Variants in KLRG1 observed in about 807,000 individuals in gnomAD.
KLRG1 encodes the protein killer cell lectin like receptor G1.
Under a neutral mutation model 21.8 loss-of-function variants are expected in KLRG1, and 16 were observed. The ratio of observed to expected loss-of-function variants is 0.73; its 90% confidence interval spans 0.50 to 1.11. KLRG1 has a LOEUF of 1.11. KLRG1 is among the 50% of genes most tolerant of loss of function. The pLI, the probability that KLRG1 is intolerant of heterozygous loss-of-function variation, is 0.00. For synonymous variants in KLRG1, 69 were observed against 75.9 expected, an observed-to-expected ratio of 0.91 and a Z score of 0.47; for missense variants, 173 against 218.3, an observed-to-expected ratio of 0.79 and a Z score of 1.31.
the KLRG1 span, among the ~76,000 whole-genome samples, chr12:9,075,929 AT>A: frequency 6.6e-6 from 1 of 152,214 alleles, no homozygotes; most frequent in African/African-American, 2.4e-5. Context: ...ATTATAAAAT[AT>A]TTCTCAATAC....
At chr12:8,958,700 C>A (rs1226332464) in intron 1 of KLRG1, among the ~76,000 whole-genome samples, 1 of 151,918 alleles carries the variant, frequency 6.6e-6, no homozygotes, top group African/African-American at 2.4e-5. Flanking sequence ...TACAAAAAAA[C>A]CTAAGAATTA....
chr12:9,027,523 C>G, the KLRG1 span: 1 of 1,129,130 alleles, frequency 8.9e-7, no homozygotes, highest in Admixed American at 1.7e-5. Flanking sequence ...GCTTTGTTTC[C>G]TAATTAAAAT....
intron 1 of KLRG1, among the ~76,000 whole-genome samples, chr12:8,972,307 G>A (rs773645702): frequency 5.9e-5 from 9 of 152,190 alleles, no homozygotes; most frequent in East Asian, 1.9e-4. Flanking sequence ...ACAGGCACCC[G>A]CCACCACTCC....
At chr12:8,956,043 C>T (rs780124530) in intron 1 of KLRG1, among the ~76,000 whole-genome samples, 2 of 152,352 alleles carry the variant, frequency 1.3e-5, no homozygotes, top group African/African-American at 4.8e-5. Context: ...TTTGGGTCCC[C>T]TCTCTGCTGG....
chr12:9,158,612 T>G, the KLRG1 span: 2 of 1,606,802 alleles, frequency 1.2e-6, no homozygotes, highest in Non-Finnish European at 1.7e-6. Flanking sequence ...GAGGCTCTTT[T>G]CATTGAGCAC....
At chr12:9,203,706 G>A in the KLRG1 span, 1 of 1,562,456 alleles carries the variant, frequency 6.4e-7, no homozygotes, top group Non-Finnish European at 8.8e-7. Context: ...CCATCACCAT[G>A]ACCTATAGAG....
the KLRG1 span, among the ~76,000 whole-genome samples, chr12:9,097,593 G>A: frequency 6.7e-6 from 1 of 150,028 alleles, no homozygotes; most frequent in Non-Finnish European, 1.5e-5. Context: ...CAGAAATTAT[G>A]TGTAGCTTGG....
chr12:9,067,866 A>C, the KLRG1 span: 5 of 1,608,874 alleles, frequency 3.1e-6, no homozygotes, highest in Middle Eastern at 1.7e-4. Context: ...AAAAAAAATT[A>C]AGACAGATTT....
At chr12:9,027,416 G>A in the KLRG1 span, 2 of 569,348 alleles carry the variant, frequency 3.5e-6, no homozygotes, top group Non-Finnish European at 6.5e-6. Context: ...TGTCTTCTTT[G>A]TAGCAGCTAG....
chr12:9,150,472 T>C, the KLRG1 span, among the ~76,000 whole-genome samples: 6 of 152,022 alleles, frequency 3.9e-5, no homozygotes, highest in Admixed American at 3.3e-4. Flanking sequence ...TTAGTAGAGA[T>C]GGGGTTTTGC....
chr12:9,171,808 A>G, the KLRG1 span, among the ~76,000 whole-genome samples: 2 of 152,188 alleles, frequency 1.3e-5, no homozygotes, highest in East Asian at 1.9e-4. Flanking sequence ...AATGAAAAGA[A>G]ATGAACAAAA....
At chr12:9,026,696 T>C in the KLRG1 span, among the ~76,000 whole-genome samples, 1 of 152,160 alleles carries the variant, frequency 6.6e-6, no homozygotes, top group African/African-American at 2.4e-5. Context: ...TTTTTTTGTC[T>C]TTTTTCTTAT....
chr12:9,058,845 T>G, the KLRG1 span: 1 of 152,842 alleles, frequency 6.5e-6, no homozygotes, highest in South Asian at 2.1e-4. Flanking sequence ...GTTGTGCACT[T>G]CTGTCCTGCT....
At chr12:8,977,303 T>G (rs532766816) in intron 1 of KLRG1, among the ~76,000 whole-genome samples, 8 of 151,400 alleles carry the variant, frequency 5.3e-5, no homozygotes, top group Non-Finnish European at 1.0e-4. Flanking sequence ...TCCTGGGTTC[T>G]GGCCATATTC....
the KLRG1 span, chr12:9,101,653 G>T: frequency 6.2e-7 from 1 of 1,613,644 alleles, no homozygotes; most frequent in South Asian, 1.1e-5. Context: ...CCGTAACAGG[G>T]ACTACGATCC....
the KLRG1 span, chr12:9,128,381 C>A: frequency 6.4e-6 from 1 of 156,010 alleles, no homozygotes; most frequent in South Asian, 1.8e-4. Flanking sequence ...GGACCGGTGG[C>A]GTACCCTCCG....
At chr12:9,054,866 T>C in the KLRG1 span, among the ~76,000 whole-genome samples, 2 of 152,212 alleles carry the variant, frequency 1.3e-5, no homozygotes, top group African/African-American at 4.8e-5. Flanking sequence ...GAAGTGATGC[T>C]AGGAGGAAAT....
the KLRG1 span, among the ~76,000 whole-genome samples, chr12:9,100,600 G>A: frequency 6.6e-5 from 10 of 151,762 alleles, no homozygotes; most frequent in East Asian, 7.7e-4. Flanking sequence ...TTTAAATAAC[G>A]CAAAGAAAAT....
In KLRG1 at chr12:8,995,239, G is replaced by C. The variant is rs1383102568; in HGVS notation, c.308G>C (p.Cys103Ser). Reference sequence around the variant, plus strand: ...GACTGGAATTCTAGTCTGGAATTCTGCCTAGCCAGAGACTCACACCTCCTT... The same window carrying C: ...GACTGGAATTCTAGTCTGGAATTCTCCCTAGCCAGAGACTCACACCTCCTT... The part of the protein sequence containing the change: ...EKDWNSSLEF[C>S]LARDSHLLVI... Residue 103 changes from cysteine to serine, a missense_variant, in exon 3 of 5, where the codon TGC (cysteine) becomes TCC (serine). Coordinates refer to ENST00000356986, the MANE Select transcript of KLRG1 (RefSeq NM_005810.4). 1 of 1,613,610 alleles carries C rather than the reference G, an allele frequency of 6.2e-7. No individual in the cohort carries two copies.
Sources: gnomAD v4.1 joint callset for allele counts (sites outside exome capture counted in the v4.1 genomes callset) on GRCh38, gnomAD v4.1.1 for gene constraint, MANE v1.5 for transcripts, NCBI Gene and HGNC (gene_info 2026-07-23, HGNC 2026-07-21) for gene names.